Variants in SLC24A3 observed in about 807,000 individuals in gnomAD.
SLC24A3 encodes the protein sodium/potassium/calcium exchanger 3.
SLC24A3 carries 28 observed loss-of-function variants against 75.8 expected under a neutral mutation model. The ratio of observed to expected loss-of-function variants is 0.37; its 90% CI spans 0.27 to 0.51. The LOEUF (loss-of-function observed/expected upper bound fraction) is 0.51. Among genes scored for constraint, SLC24A3 ranks in the 20% least tolerant of loss-of-function variants. The probability of loss-of-function intolerance (pLI) is 0.94; values close to 1 mark genes in which losing one functional copy is unlikely to be tolerated. For synonymous variants in SLC24A3, 372 were observed against 334.1 expected, an observed-to-expected ratio of 1.11 and a Z score of -1.24; for missense variants, 663 against 847.8, an observed-to-expected ratio of 0.78 and a Z score of 2.71.
intron 2 of SLC24A3, among the ~76,000 whole-genome samples, chr20:19,443,761 G>C (rs1987333715): frequency 6.6e-6 from 1 of 152,078 alleles, no homozygotes. Context: ...CTGATCTTAG[G>C]GGAATAATAC....
chr20:19,533,373 A>G (rs1275433540), intron 3 of SLC24A3, among the ~76,000 whole-genome samples: 2 of 152,178 alleles, frequency 1.3e-5, no homozygotes, highest in African/African-American at 4.8e-5. Context: ...TACCCCTGAA[A>G]CTGGCCCACC....
intron 2 of SLC24A3, among the ~76,000 whole-genome samples, chr20:19,285,503 G>T (rs573168093): frequency 1.6e-3 from 176 of 109,060 alleles, no homozygotes; most frequent in African/African-American, 6.1e-3. Context: ...AAAAAAAAAA[G>T]GCATTTTTCC....
chr20:19,337,985 C>T (rs2122303042), intron 2 of SLC24A3, among the ~76,000 whole-genome samples: 1 of 152,170 alleles, frequency 6.6e-6, no homozygotes, highest in African/African-American at 2.4e-5. Flanking sequence ...AAAGATGGCC[C>T]ATCTTCAGGG....
In SLC24A3 at chr20:19,544,687, G is replaced by A. The variant is rs547805055; in HGVS notation, c.348+29123G>A. On this transcript the variant is annotated intron_variant, in intron 3 of 16. Transcript: ENST00000328041. ...CTGATAACCACCAGTGCAAAATTCC[G>A]ATAAAAACTGGATTTATACACTCAA... Among the ~76,000 whole-genome samples the A allele has an allele frequency of 1.8e-4, 27 of 152,152 alleles. 1 individual carries two copies. In the South Asian group the frequency reaches 2.9e-3, roughly 16 times the overall value.
intron 2 of SLC24A3, among the ~76,000 whole-genome samples, chr20:19,368,922 G>C (rs888904871): frequency 6.6e-6 from 1 of 152,150 alleles, no homozygotes; most frequent in Non-Finnish European, 1.5e-5. Context: ...ATAATCCATA[G>C]AGTAAAATAA....
chr20:19,354,149 C>A (rs1023718537), intron 2 of SLC24A3, among the ~76,000 whole-genome samples: 2 of 152,144 alleles, frequency 1.3e-5, no homozygotes, highest in Non-Finnish European at 2.9e-5. Flanking sequence ...AACCCACAAC[C>A]GCATGAACGG....
intron 2 of SLC24A3, among the ~76,000 whole-genome samples, chr20:19,291,910 C>T (rs1983951783): frequency 6.6e-6 from 1 of 152,246 alleles, no homozygotes; most frequent in African/African-American, 2.4e-5. Flanking sequence ...AGGCTGGACT[C>T]AGTGAAGCTT....
intron 16 of SLC24A3, 107 bp from the exon 17 acceptor site, chr20:19,720,884 G>T: frequency 2.3e-6 from 3 of 1,291,672 alleles, no homozygotes; most frequent in Non-Finnish European, 3.2e-6. Context: ...CCCTGCCCGA[G>T]GCCCATAGTC....
chr20:19,520,916 A>G (rs1475794730), intron 3 of SLC24A3, among the ~76,000 whole-genome samples: 1 of 152,142 alleles, frequency 6.6e-6, no homozygotes, highest in Non-Finnish European at 1.5e-5. Context: ...TTGCTCCCCA[A>G]AACTGCAGAG....
At chr20:19,534,481 G>A (rs2030361170) in intron 3 of SLC24A3, among the ~76,000 whole-genome samples, 2 of 144,002 alleles carry the variant, frequency 1.4e-5, no homozygotes, top group African/African-American at 5.0e-5. Context: ...CACGATCTTG[G>A]CTCACTGCAA....
intron 1 of SLC24A3, among the ~76,000 whole-genome samples, chr20:19,216,170 A>G (rs1199913726): frequency 6.6e-6 from 1 of 152,218 alleles, no homozygotes; most frequent in Non-Finnish European, 1.5e-5. Flanking sequence ...AAAGCCAATT[A>G]AAATAAGGTG....
At chr20:19,690,476 G>T (rs141193837) in intron 12 of SLC24A3, among the ~76,000 whole-genome samples, 510 of 152,014 alleles carry the variant, frequency 3.4e-3, no homozygotes, top group African/African-American at 0.012. Context: ...GCCAAGTTGG[G>T]ATCATTTCTC....
intron 2 of SLC24A3, among the ~76,000 whole-genome samples, chr20:19,486,882 A>G (rs1340633135): frequency 6.6e-6 from 1 of 152,206 alleles, no homozygotes; most frequent in Non-Finnish European, 1.5e-5. Context: ...AATTAAATAC[A>G]TCAGATACTG....
chr20:19,250,471 C>A (rs74839688), intron 1 of SLC24A3, among the ~76,000 whole-genome samples: 2,000 of 152,268 alleles, frequency 0.013, 37 homozygotes, highest in African/African-American at 0.046. Flanking sequence ...TAAAGCCAGT[C>A]CCATTTCTCA....
chr20:19,653,161 T>C (rs1268453532), intron 6 of SLC24A3, among the ~76,000 whole-genome samples: 1 of 152,192 alleles, frequency 6.6e-6, no homozygotes, highest in Non-Finnish European at 1.5e-5. Flanking sequence ...AACAGAAGCC[T>C]CAACCTGACA....
intron 12 of SLC24A3, among the ~76,000 whole-genome samples, chr20:19,687,439 C>T (rs1568698338): frequency 6.6e-6 from 1 of 152,238 alleles, no homozygotes. Flanking sequence ...AGGCTGATAG[C>T]TCATCCCACT....
At chr20:19,716,297 A>G (rs950038986) in intron 15 of SLC24A3, among the ~76,000 whole-genome samples, 7 of 151,842 alleles carry the variant, frequency 4.6e-5, no homozygotes, top group Non-Finnish European at 8.8e-5. Context: ...GAAAGAAACT[A>G]TTTGGCCTTT....
At chr20:19,354,435 T>C (rs1054362672) in intron 2 of SLC24A3, among the ~76,000 whole-genome samples, 2 of 152,096 alleles carry the variant, frequency 1.3e-5, no homozygotes, top group African/African-American at 4.8e-5. Context: ...ACAAGAAACT[T>C]CCAGGGATGG....
chr20:19,580,024 G>T lies in SLC24A3; in HGVS notation c.373G>T (p.Ala125Ser), dbSNP rs1458079105. 6.2e-7 allele frequency: 1 copy of T among 1,613,768 alleles called. No homozygotes were observed. The highest frequency in any genetic ancestry group is 8.5e-7 in the Non-Finnish European group (1 of 1,179,752). The change falls in exon 4 of 17, where the codon GCC (alanine) becomes TCC (serine). Residue 125 changes from alanine (A) to serine (S), a missense_variant. Ala to Ser is a moderately conservative substitution (Grantham distance 99, BLOSUM62 1). Around this residue, in one of 2 missense-constraint regions of SLC24A3, gnomAD observed 510 missense variants for 703.6 expected, o/e 0.72. Coordinates refer to ENST00000328041, the MANE Select transcript of SLC24A3 (RefSeq NM_020689.4). The part of the protein sequence containing the change: ...LCAIYMFYAL[A>S]IVCDDFFVPS... Reference sequence around the variant, plus strand: ...GGCCATATACATGTTCTATGCGCTGGCCATTGTGTGTGATGACTTCTTCGT... The same window carrying T: ...GGCCATATACATGTTCTATGCGCTGTCCATTGTGTGTGATGACTTCTTCGT...
Sources: allele counts gnomAD v4.1 joint callset (sites outside exome capture counted in the v4.1 genomes callset), GRCh38; gene constraint gnomAD v4.1.1; regional missense constraint gnomAD v4.1.1; transcripts MANE v1.5; gene names NCBI Gene and HGNC (gene_info 2026-07-23, HGNC 2026-07-21).